SNX25: variants seen among roughly 807,000 people sequenced by gnomAD.
The protein encoded by SNX25 is sorting nexin-25.
In SNX25, 62 loss-of-function variants were observed where a neutral mutation model predicts 113.7. The ratio of observed to expected loss-of-function variants is 0.55; its 90% CI spans 0.44 to 0.67. The LOEUF is 0.67. SNX25 is among the 30% of genes least tolerant of loss of function. The pLI is 0.00. For synonymous variants in SNX25, 421 were observed against 436.2 expected (o/e 0.97, Z 0.43); for missense variants, 1,014 against 1,161.0 (o/e 0.87, Z 1.84).
chr4:185,272,803 T>A (rs2126566016), intron 5 of SNX25, among the ~76,000 whole-genome samples: 1 of 152,368 alleles, frequency 6.6e-6, no homozygotes, highest in Non-Finnish European at 1.5e-5. Context: ...CTGATCGGGA[T>A]ACCTCATTCT....
intron 5 of SNX25, among the ~76,000 whole-genome samples, chr4:185,275,533 A>AT (rs367684455): frequency 6.6e-6 from 1 of 152,110 alleles, no homozygotes; most frequent in East Asian, 1.9e-4. Context: ...AAAGGAATGG[A>AT]TTTTTTTCTT....
chr4:185,254,695 C>G (rs1265280122), intron 2 of SNX25, among the ~76,000 whole-genome samples: 1 of 152,180 alleles, frequency 6.6e-6, no homozygotes, highest in Non-Finnish European at 1.5e-5. Context: ...GTTAACCTAA[C>G]TAAAACTAAA....
In SNX25 at chr4:185,267,132, T is replaced by G; in HGVS notation, c.1068T>G (p.Asp356Glu). 1.2e-6 allele frequency: 2 copies of G among 1,613,746 alleles called. No individual in the cohort carries two copies. The highest frequency in any genetic ancestry group is 1.7e-6 in the Non-Finnish European group (2 of 1,179,896). The part of the protein sequence containing the change: ...DFIKLINSNS[D>E]VEFLKQLRYQ... ...TCAAGCTCATTAACAGCAACTCTGA[T>G]GTGGAGTTCTTGAAGCAACTAAGGT... Residue 356 changes from aspartate (D) to glutamate (E), a missense_variant, in exon 5 of 19, where the codon GAT becomes GAG. Transcript: ENST00000652585.
intron 10 of SNX25, among the ~76,000 whole-genome samples, chr4:185,338,625 TG>T (rs1185315183): frequency 6.6e-6 from 1 of 152,170 alleles, no homozygotes; most frequent in Non-Finnish European, 1.5e-5. Flanking sequence ...TTAGCTATTT[TG>T]TTTCGATCTT....
At chr4:185,377,963 T>C in the SNX25 span, 1 of 837,794 alleles carries the variant, frequency 1.2e-6, no homozygotes, top group African/African-American at 1.7e-5. Context: ...AAAGGACTAA[T>C]GATTAACCAC....
intron 6 of SNX25, among the ~76,000 whole-genome samples, chr4:185,308,208 A>G (rs1457642567): frequency 6.6e-6 from 1 of 152,262 alleles, no homozygotes; most frequent in Non-Finnish European, 1.5e-5. Flanking sequence ...CACAAGCTGT[A>G]ATACTCAAAT....
At chr4:185,300,840 G>GACACACACACACAC (rs58762122) in intron 6 of SNX25, among the ~76,000 whole-genome samples, 11,426 of 140,596 alleles carry the variant, frequency 0.081, 545 homozygotes, top group East Asian at 0.1. Context: ...TGATTATTAT[G>GACACACACACACAC]ACACACACAC....
intron 4 of SNX25, 137 bp downstream of exon 4, chr4:185,264,747 GC>G: frequency 1.1e-6 from 1 of 920,384 alleles, no homozygotes. Context: ...AAACTATTTG[GC>G]CATTCAGGAT....
chr4:185,276,894 T>C (rs1201459884), intron 5 of SNX25, among the ~76,000 whole-genome samples: 2 of 152,178 alleles, frequency 1.3e-5, no homozygotes, highest in African/African-American at 4.8e-5. Flanking sequence ...CATTTGTCTT[T>C]CTGTGATCAG....
At chr4:185,314,048 C>G (rs1376004955) in intron 7 of SNX25, among the ~76,000 whole-genome samples, 1 of 152,164 alleles carries the variant, frequency 6.6e-6, no homozygotes, top group Non-Finnish European at 1.5e-5. Context: ...GTCAGTCTTG[C>G]TGTGTCAGGG....
intron 5 of SNX25, among the ~76,000 whole-genome samples, chr4:185,270,537 T>C (rs1748776357): frequency 2.0e-5 from 3 of 152,186 alleles, no homozygotes; most frequent in Admixed American, 1.3e-4. Context: ...GAGATATAAT[T>C]CACGTACCAT....
chr4:185,226,213 C>T (rs1229226096), intron 1 of SNX25, among the ~76,000 whole-genome samples: 1 of 152,170 alleles, frequency 6.6e-6, no homozygotes, highest in Non-Finnish European at 1.5e-5. Flanking sequence ...AGTAGAATGG[C>T]GGTGGTGCCT....
downstream of SNX25, chr4:185,372,734 C>T (rs991029433): frequency 2.7e-6 from 2 of 736,640 alleles, no homozygotes; most frequent in Non-Finnish European, 4.4e-6. Context: ...ATGGTCCTCC[C>T]CTCTGGAGGT....
chr4:185,293,748 A>T (rs1376762220), intron 6 of SNX25, among the ~76,000 whole-genome samples: 1 of 152,152 alleles, frequency 6.6e-6, no homozygotes, highest in Non-Finnish European at 1.5e-5. Context: ...CATTATGGTT[A>T]TGGTCTGGTT....
intron 6 of SNX25, among the ~76,000 whole-genome samples, chr4:185,290,284 A>G (rs768459174): frequency 5.3e-5 from 8 of 152,232 alleles, no homozygotes; most frequent in African/African-American, 9.6e-5. Context: ...TGTTACAGAC[A>G]TTCTCAGTGA....
intron 5 of SNX25, among the ~76,000 whole-genome samples, chr4:185,278,435 T>A (rs1213964002): frequency 6.6e-5 from 10 of 152,198 alleles, no homozygotes; most frequent in African/African-American, 1.9e-4. Context: ...GTTTTAACTG[T>A]GAAATGGAGA....
intron 16 of SNX25, among the ~76,000 whole-genome samples, chr4:185,361,415 A>C (rs910282513): frequency 2.6e-5 from 4 of 152,210 alleles, no homozygotes; most frequent in Admixed American, 2.6e-4. Context: ...AATTATCTCC[A>C]GGAATAACTG....
chr4:185,259,103 A>T (rs754673843), intron 3 of SNX25, 39 bp downstream of exon 3: 24 of 1,554,890 alleles, frequency 1.5e-5, no homozygotes, highest in Non-Finnish European at 2.1e-5. Flanking sequence ...TTTTGCATTA[A>T]TTTTTTTTAA....
At chr4:185,339,047 A>G (rs1298252390) in intron 10 of SNX25, among the ~76,000 whole-genome samples, 1 of 152,142 alleles carries the variant, frequency 6.6e-6, no homozygotes, top group East Asian at 1.9e-4. Flanking sequence ...GAACCTGTAG[A>G]TTGCTTTTGG....
Sources: allele counts gnomAD v4.1 joint callset (sites outside exome capture counted in the v4.1 genomes callset), GRCh38; gene constraint gnomAD v4.1.1; transcripts MANE v1.5; gene names NCBI Gene and HGNC (gene_info 2026-07-23, HGNC 2026-07-21).